Variants in PDZRN4 observed in about 807,000 individuals in gnomAD.
PDZRN4 encodes PDZ domain containing ring finger 4.
PDZRN4 carries 70 observed loss-of-function variants against 99.0 expected under a neutral mutation model. The observed-to-expected ratio is 0.71, with a 90% CI of 0.58 to 0.86. The LOEUF is 0.86. PDZRN4 is among the 40% of genes least tolerant of loss of function. The pLI, the probability that PDZRN4 is intolerant of heterozygous loss-of-function variation, is 0.00. For missense variants in PDZRN4, 1,474 were observed against 1,331.2 expected, an observed-to-expected ratio of 1.11 and a Z score of -1.67; for synonymous variants, 551 against 501.6, an observed-to-expected ratio of 1.10 and a Z score of -1.32.
intron 3 of PDZRN4, among the ~76,000 whole-genome samples, chr12:41,411,209 GT>G (rs1376393639): frequency 6.6e-6 from 1 of 151,916 alleles, no homozygotes; most frequent in Non-Finnish European, 1.5e-5. Context: ...CCTAGCATAA[GT>G]TTTACAACCT....
intron 3 of PDZRN4, among the ~76,000 whole-genome samples, chr12:41,308,275 T>C (rs574683655): frequency 4.5e-4 from 68 of 152,296 alleles, no homozygotes; most frequent in Middle Eastern, 3.4e-3. Context: ...TTATTGTCTG[T>C]CACTAGGTAC....
intron 3 of PDZRN4, among the ~76,000 whole-genome samples, chr12:41,236,632 G>A (rs1400123281): frequency 6.6e-6 from 1 of 152,118 alleles, no homozygotes; most frequent in Non-Finnish European, 1.5e-5. Context: ...ATGGGTGTGG[G>A]GGAGTGGGAC....
intron 3 of PDZRN4, among the ~76,000 whole-genome samples, chr12:41,344,517 G>T (rs1306189059): frequency 6.7e-6 from 1 of 149,962 alleles, no homozygotes; most frequent in Non-Finnish European, 1.5e-5. Flanking sequence ...CTATCTCTAG[G>T]ACAGAAAAAC....
intron 3 of PDZRN4, among the ~76,000 whole-genome samples, chr12:41,314,130 A>G (rs980130650): frequency 6.6e-6 from 1 of 152,192 alleles, no homozygotes; most frequent in African/African-American, 2.4e-5. Flanking sequence ...TTTTATTATT[A>G]TAAGTATGAA....
intron 5 of PDZRN4, among the ~76,000 whole-genome samples, chr12:41,528,488 G>A (rs1938608384): frequency 6.6e-6 from 1 of 152,136 alleles, no homozygotes; most frequent in Non-Finnish European, 1.5e-5. Flanking sequence ...TCTTAATAGA[G>A]CAACAGCAGG....
At chr12:41,424,089 T>C (rs764637868) in intron 3 of PDZRN4, among the ~76,000 whole-genome samples, 2 of 152,212 alleles carry the variant, frequency 1.3e-5, no homozygotes. Context: ...CTGTCCATTC[T>C]ATGTCTGGTT....
chr12:41,501,837 G>T (rs1938116346), intron 3 of PDZRN4, among the ~76,000 whole-genome samples: 1 of 152,122 alleles, frequency 6.6e-6, no homozygotes. Flanking sequence ...ATGAGGCGAA[G>T]ACCTTCTCAG....
intron 2 of PDZRN4, among the ~76,000 whole-genome samples, chr12:41,192,816 C>G (rs1462841726): frequency 6.6e-6 from 1 of 152,178 alleles, no homozygotes; most frequent in Non-Finnish European, 1.5e-5. Context: ...ATGTTGATGT[C>G]AATTGTTTTC....
At chr12:41,249,099 A>G (rs1357186611) in intron 3 of PDZRN4, among the ~76,000 whole-genome samples, 3 of 152,196 alleles carry the variant, frequency 2.0e-5, no homozygotes, top group Non-Finnish European at 4.4e-5. Flanking sequence ...ATGCATATTC[A>G]CATGTGCACA....
chr12:41,358,369 AATAAATTTCCCAGTTATTCATTT>A (rs1462693402), intron 3 of PDZRN4, among the ~76,000 whole-genome samples: 1 of 151,998 alleles, frequency 6.6e-6, no homozygotes, highest in Non-Finnish European at 1.5e-5. Context: ...ATATTTAACC[AATAAATTTCCCAGTTATTCATTT>A]TATTAATAGC....
At chr12:41,335,023 A>G (rs1327538808) in intron 3 of PDZRN4, among the ~76,000 whole-genome samples, 1 of 152,098 alleles carries the variant, frequency 6.6e-6, no homozygotes, top group Non-Finnish European at 1.5e-5. Flanking sequence ...GGCATTAATT[A>G]TCTTGATAGA....
At chr12:41,557,541 A>G (rs1939189249) in intron 7 of PDZRN4, among the ~76,000 whole-genome samples, 1 of 152,162 alleles carries the variant, frequency 6.6e-6, no homozygotes, top group African/African-American at 2.4e-5. Flanking sequence ...TGACACTGTC[A>G]TGGTAACACT....
At chr12:41,446,335 G>A (rs1208633051) in intron 3 of PDZRN4, among the ~76,000 whole-genome samples, 2 of 151,122 alleles carry the variant, frequency 1.3e-5, no homozygotes, top group Admixed American at 6.6e-5. Flanking sequence ...TCACTCCTAG[G>A]CCTCTTAAGG....
intron 3 of PDZRN4, among the ~76,000 whole-genome samples, chr12:41,247,205 C>T (rs1193259976): frequency 2.6e-5 from 4 of 152,074 alleles, no homozygotes; most frequent in Admixed American, 6.5e-5. Flanking sequence ...TATGGAGGAA[C>T]GATGTATCAC....
rs11181005 is a variant in PDZRN4, at chr12:41,558,609, G to C, written c.1365+2849G>C. 7.9e-3 allele frequency among the ~76,000 whole-genome samples: 1,202 copies of C among 152,246 alleles called. 44 individuals carry two copies. In the East Asian group the frequency reaches 0.14, roughly 17 times the overall value. ...TCCAAAATCCTTAGGGATATTGTGG[G>C]CAGGTAAGTTTTTAGAGAAAATACC... On this transcript the variant is annotated intron_variant, in intron 7 of 9. Coordinates refer to ENST00000402685, the MANE Select transcript of PDZRN4 (RefSeq NM_001164595.2).
intron 3 of PDZRN4, among the ~76,000 whole-genome samples, chr12:41,200,431 C>G (rs1950807168): frequency 6.6e-6 from 1 of 152,088 alleles, no homozygotes; most frequent in Admixed American, 6.6e-5. Context: ...TGGAAAGATC[C>G]TTATACCATT....
intron 3 of PDZRN4, among the ~76,000 whole-genome samples, chr12:41,394,008 G>A (rs566486816): frequency 2.3e-4 from 35 of 152,272 alleles, no homozygotes; most frequent in African/African-American, 7.9e-4. Context: ...AAATATCTTA[G>A]ATTGAATGCC....
chr12:41,258,652 A>G (rs955924822), intron 3 of PDZRN4, among the ~76,000 whole-genome samples: 1 of 152,200 alleles, frequency 6.6e-6, no homozygotes, highest in Non-Finnish European at 1.5e-5. Flanking sequence ...TTCCACAAAT[A>G]TTTATTGAGT....
intron 3 of PDZRN4, among the ~76,000 whole-genome samples, chr12:41,327,433 A>C (rs1880889): frequency 0.91 from 138,378 of 152,260 alleles, 63,508 homozygotes; most frequent in Middle Eastern, 0.98. Flanking sequence ...ATTTACAGGG[A>C]AACTGTTATC....
Sources: gnomAD v4.1 joint callset for allele counts (sites outside exome capture counted in the v4.1 genomes callset) on GRCh38, gnomAD v4.1.1 for gene constraint, MANE v1.5 for transcripts, NCBI Gene and HGNC (gene_info 2026-07-23, HGNC 2026-07-21) for gene names.